The following LPXN variants were observed in gnomAD, a reference collection of about 807,000 sequenced individuals.
LPXN encodes the protein leupaxin.
A neutral mutation model predicts 45.6 loss-of-function variants in LPXN; 28 were observed. The observed-to-expected ratio is 0.61, with a 90% confidence interval of 0.45 to 0.84. The LOEUF (loss-of-function observed/expected upper bound fraction) is 0.84. Ranked by LOEUF, LPXN falls within the 40% of genes least tolerant of loss-of-function variation. LPXN has a pLI of 0.00. For synonymous variants in LPXN, 166 were observed against 169.9 expected (o/e 0.98, Z 0.18); for missense variants, 459 against 475.0 (o/e 0.97, Z 0.31).
chr11:58,551,069 C>T lies in LPXN; in HGVS notation c.482G>A (p.Gly161Glu), dbSNP rs1416442546. Residue 161 changes from glycine (G) to glutamate (E), a missense_variant, in exon 5 of 9, where the codon GGG (glycine) becomes GAG (glutamate). Physicochemically the swap from Gly to Glu is moderately conservative, Grantham distance 98. Coordinates refer to ENST00000395074, the MANE Select transcript of LPXN (RefSeq NM_004811.3). The part of the protein sequence containing the change: ...HCASCQKPIA[G>E]KVIHALGQSW... ...CAAAATTTCAGCCCATCTCACCTTCCCAGCAATCGGTTTCTGGCAGGATGC... is the reference window on the plus strand; with the variant it reads ...CAAAATTTCAGCCCATCTCACCTTCTCAGCAATCGGTTTCTGGCAGGATGC... 1.7e-5 allele frequency: 26 copies of T among 1,564,030 alleles called. No individual in the cohort carries two copies. The highest frequency in any genetic ancestry group is 2.2e-5 in the Non-Finnish European group (25 of 1,155,534).
chr11:58,578,793 C>T (rs2134378615), upstream of LPXN, among the ~76,000 whole-genome samples: 1 of 152,092 alleles, frequency 6.6e-6, no homozygotes. Flanking sequence ...ACCCGCCTCC[C>T]TCGCGAGACC....
At chr11:58,530,370 C>T (rs934935033) in intron 7 of LPXN, among the ~76,000 whole-genome samples, 2 of 152,200 alleles carry the variant, frequency 1.3e-5, no homozygotes, top group African/African-American at 4.8e-5. Context: ...GAGGGAGAAG[C>T]ATCCACCATT....
At chr11:58,528,274 C>T (rs1342223551) in intron 7 of LPXN, 83 bp from the exon 8 acceptor site, 1 of 1,251,670 alleles carries the variant, frequency 8.0e-7, no homozygotes, top group Non-Finnish European at 1.1e-6. Context: ...CCCTTTCAAT[C>T]TCAGTGTCCT....
chr11:58,555,736 G>GAA (rs1180574741), intron 3 of LPXN, among the ~76,000 whole-genome samples: 1 of 120,896 alleles, frequency 8.3e-6, no homozygotes. Context: ...AAATAGCAAT[G>GAA]AAAACACACA....
intron 1 of LPXN, among the ~76,000 whole-genome samples, chr11:58,571,148 G>T (rs1286311353): frequency 6.6e-6 from 1 of 151,924 alleles, no homozygotes; most frequent in Non-Finnish European, 1.5e-5. Flanking sequence ...TCCAGACCAG[G>T]GCAACATAGC....
rs1854654027 is a variant in LPXN at position 58,570,437 on chromosome 11, T to C, written c.171+119A>G. 4 of 694,606 alleles carry C rather than the reference T, an allele frequency of 5.8e-6. No homozygotes were observed. The Admixed American group carries it at 8.2e-5, about 14-fold the overall frequency. The allele number at this position is 694,606 out of a possible 1,614,324, so 43.0% of individuals were successfully genotyped here. ...TCTTTAGATTAACATTGAGGCATTA[T>C]TTTTTCTCTTTCTTGGATATATTAT... On this transcript the variant is annotated intron_variant, in intron 2 of 8. Transcript: ENST00000395074.
At chr11:58,563,760 T>G (rs1854448722) in intron 3 of LPXN, among the ~76,000 whole-genome samples, 1 of 152,224 alleles carries the variant, frequency 6.6e-6, no homozygotes, top group Admixed American at 6.5e-5. Context: ...AGACCCACTG[T>G]CTTAGTTTAA....
At chr11:58,575,636 A>G in intron 1 of LPXN, 124 bp downstream of exon 1, 1 of 1,108,720 alleles carries the variant, frequency 9.0e-7, no homozygotes, top group East Asian at 2.3e-5. Flanking sequence ...TGAGGACAGG[A>G]AAGAAGTGAA....
At chr11:58,540,069 T>C (rs989174749) in intron 7 of LPXN, among the ~76,000 whole-genome samples, 1 of 152,080 alleles carries the variant, frequency 6.6e-6, no homozygotes, top group Non-Finnish European at 1.5e-5. Context: ...CTGAAACCTA[T>C]TCTTGTCATC....
chr11:58,575,684 A>T lies in LPXN; in HGVS notation c.13+76T>A, dbSNP rs1195436945. On this transcript the variant is annotated intron_variant, in intron 1 of 8. Coordinates refer to ENST00000395074, the MANE Select transcript of LPXN (RefSeq NM_004811.3). The stretch of plus-strand genomic sequence containing the variant: ...CATTACTACCCTCAGTCTAGCCAGA[A>T]GTATACCCCACCACACAAGGAGATG... 3 of 1,525,360 alleles carry T rather than the reference A, an allele frequency of 2.0e-6. No individual in the cohort carries two copies. The African/African-American group carries it at 4.1e-5, about 21-fold the overall frequency. 94.5% of individuals were successfully genotyped at this position (1,525,360 alleles called of 1,614,324 possible).
chr11:58,575,734 A>G, intron 1 of LPXN, 26 bp downstream of exon 1: 1 of 1,614,006 alleles, frequency 6.2e-7, no homozygotes, highest in Non-Finnish European at 8.5e-7. Flanking sequence ...ACTCCCTCAG[A>G]GTTTCTCCTC....
intron 7 of LPXN, among the ~76,000 whole-genome samples, chr11:58,535,868 C>T (rs540027246): frequency 6.6e-6 from 1 of 152,282 alleles, no homozygotes; most frequent in East Asian, 1.9e-4. Flanking sequence ...CATTCCTATA[C>T]GCCAATAATA....
chr11:58,529,121 C>G (rs1853311839), intron 7 of LPXN, among the ~76,000 whole-genome samples: 1 of 151,958 alleles, frequency 6.6e-6, no homozygotes, highest in South Asian at 2.1e-4. Context: ...GAAAAACTGT[C>G]ATAAATAAAG....
intron 3 of LPXN, among the ~76,000 whole-genome samples, chr11:58,557,165 C>T (rs1854228688): frequency 6.6e-6 from 1 of 152,094 alleles, no homozygotes; most frequent in African/African-American, 2.4e-5. Flanking sequence ...AATAGAAATA[C>T]CACATGACAC....
At chr11:58,566,674 T>C (rs917527656) in intron 2 of LPXN, among the ~76,000 whole-genome samples, 1 of 152,238 alleles carries the variant, frequency 6.6e-6, no homozygotes, top group Non-Finnish European at 1.5e-5. Context: ...TTCTTCGCTT[T>C]TGTAGGGAGA....
chr11:58,540,798 C>A (rs775573629), intron 7 of LPXN, among the ~76,000 whole-genome samples: 8 of 152,134 alleles, frequency 5.3e-5, no homozygotes, highest in Admixed American at 1.3e-4. Flanking sequence ...AATGGAGCTA[C>A]ACTGAGAATG....
At chr11:58,575,718 G>A in intron 1 of LPXN, 42 bp downstream of exon 1, 1 of 1,612,002 alleles carries the variant, frequency 6.2e-7, no homozygotes, top group Non-Finnish European at 8.5e-7. Context: ...TGGCAGCCAA[G>A]TCTTCACTCC....
intron 3 of LPXN, among the ~76,000 whole-genome samples, chr11:58,556,263 T>C (rs1019355964): frequency 6.6e-6 from 1 of 151,922 alleles, no homozygotes; most frequent in Non-Finnish European, 1.5e-5. Context: ...TATAATTCAT[T>C]AACAAATAGG....
At chr11:58,547,924 A>G (rs1225485802) in intron 7 of LPXN, among the ~76,000 whole-genome samples, 1 of 152,206 alleles carries the variant, frequency 6.6e-6, no homozygotes, top group African/African-American at 2.4e-5. Context: ...TTCTGATTCC[A>G]TATTTGTTCA....
Sources: gnomAD v4.1 joint callset for allele counts (sites outside exome capture counted in the v4.1 genomes callset) on GRCh38, gnomAD v4.1.1 for gene constraint, MANE v1.5 for transcripts, NCBI Gene and HGNC (gene_info 2026-07-23, HGNC 2026-07-21) for gene names.